MSRA: variants seen among roughly 807,000 people sequenced by gnomAD.
MSRA encodes the protein mitochondrial peptide methionine sulfoxide reductase.
In MSRA, 54 loss-of-function variants were observed where a neutral mutation model predicts 31.3. That is an observed-to-expected ratio of 1.73 (90% confidence interval 1.39 to 2.17). The LOEUF (loss-of-function observed/expected upper bound fraction) is 2.17. Ranked by LOEUF, MSRA falls within the 30% of genes most tolerant of loss-of-function variation. MSRA has a pLI of 0.00. For synonymous variants in MSRA, 169 were observed against 116.5 expected (o/e 1.45, Z -2.90); for missense variants, 507 against 300.9 (o/e 1.69, Z -5.07).
At chr8:10,140,592 T>C (rs1802616789) in intron 1 of MSRA, among the ~76,000 whole-genome samples, 1 of 152,168 alleles carries the variant, frequency 6.6e-6, no homozygotes, top group South Asian at 2.1e-4. Flanking sequence ...AACCCCTACA[T>C]GAACTGTTGT....
chr8:10,183,498 A>G (rs1455749368), intron 1 of MSRA, among the ~76,000 whole-genome samples: 1 of 152,214 alleles, frequency 6.6e-6, no homozygotes, highest in African/African-American at 2.4e-5. Context: ...TTGAAGCTAC[A>G]GTCAGGGGCA....
intron 1 of MSRA, among the ~76,000 whole-genome samples, chr8:10,200,154 C>T (rs935874030): frequency 1.3e-5 from 2 of 152,272 alleles, no homozygotes; most frequent in Admixed American, 6.5e-5. Context: ...GGTGTATCTC[C>T]GTTCTGCTGC....
At position 10,133,814 on chromosome 8, in the gene MSRA, G is replaced by GT. The variant is rs746201205; in HGVS notation, c.143-74010dup. ...TCAGTTTAGCTCTTTGGATCCTATG[G>GT]TTTTTTTTTGTTGTTGTTCTTTTGT... On this transcript the variant is annotated intron_variant, in intron 1 of 5. Coordinates refer to ENST00000317173, the MANE Select transcript of MSRA (RefSeq NM_012331.5). Among the ~76,000 whole-genome samples, 311 of 151,372 alleles carry GT rather than the reference G, an allele frequency of 2.1e-3. 1 individual carries two copies. The highest frequency in any genetic ancestry group is 2.7e-3 in the Non-Finnish European group (183 of 67,718).
intron 5 of MSRA, among the ~76,000 whole-genome samples, chr8:10,407,427 G>A (rs1252174461): frequency 6.6e-6 from 1 of 152,166 alleles, no homozygotes; most frequent in Non-Finnish European, 1.5e-5. Context: ...TGAGGGTGGA[G>A]GTGGATTTGT....
At chr8:10,098,981 C>G (rs1449650016) in intron 1 of MSRA, among the ~76,000 whole-genome samples, 2 of 152,132 alleles carry the variant, frequency 1.3e-5, no homozygotes, top group Admixed American at 1.3e-4. Flanking sequence ...GAAGATAAGG[C>G]CCCTCCCACA....
chr8:10,374,556 A>G (rs1156818477), intron 5 of MSRA, among the ~76,000 whole-genome samples: 3 of 152,224 alleles, frequency 2.0e-5, no homozygotes, highest in Admixed American at 1.3e-4. Flanking sequence ...CAGATAGTAC[A>G]TGACAAGTGA....
chr8:10,314,971 G>T (rs1441312292), intron 4 of MSRA, among the ~76,000 whole-genome samples: 1 of 152,170 alleles, frequency 6.6e-6, no homozygotes, highest in Non-Finnish European at 1.5e-5. Context: ...AGGTGTAATG[G>T]ACCCCAAGTT....
At chr8:10,173,124 T>G (rs1563180695) in intron 1 of MSRA, among the ~76,000 whole-genome samples, 1 of 152,254 alleles carries the variant, frequency 6.6e-6, no homozygotes, top group Non-Finnish European at 1.5e-5. Flanking sequence ...CAGCCCTTTT[T>G]CTGTTCAAAG....
At chr8:10,179,258 C>G (rs1337084204) in intron 1 of MSRA, among the ~76,000 whole-genome samples, 1 of 152,090 alleles carries the variant, frequency 6.6e-6, no homozygotes, top group African/African-American at 2.4e-5. Flanking sequence ...TTTGAAGAAG[C>G]TGGAAATACT....
chr8:10,211,804 C>G (rs1809522908), intron 2 of MSRA, among the ~76,000 whole-genome samples: 1 of 152,134 alleles, frequency 6.6e-6, no homozygotes, highest in Non-Finnish European at 1.5e-5. Context: ...TTCCGTTGGC[C>G]ACGGTCCACT....
intron 5 of MSRA, among the ~76,000 whole-genome samples, chr8:10,346,718 C>A (rs1341087809): frequency 6.6e-6 from 1 of 152,086 alleles, no homozygotes; most frequent in South Asian, 2.1e-4. Flanking sequence ...ATTAGGGGTA[C>A]CTATTTAGCT....
chr8:10,084,191 C>T (rs572439922), intron 1 of MSRA, among the ~76,000 whole-genome samples: 2 of 152,336 alleles, frequency 1.3e-5, no homozygotes, highest in East Asian at 1.9e-4. Context: ...GATTTCTGGC[C>T]TCCTGAGGAT....
chr8:10,126,012 T>C (rs553204041), intron 1 of MSRA, among the ~76,000 whole-genome samples: 26 of 152,322 alleles, frequency 1.7e-4, no homozygotes, highest in Non-Finnish European at 3.7e-4. Context: ...CAGCCAACTT[T>C]TAGGGCAAGG....
intron 4 of MSRA, among the ~76,000 whole-genome samples, chr8:10,311,472 T>TC (rs1563337076): frequency 2.6e-5 from 4 of 151,802 alleles, no homozygotes. Context: ...ACCCCACACC[T>TC]GGGGGGGCGC....
chr8:10,070,032 G>T (rs1419381885), intron 1 of MSRA, among the ~76,000 whole-genome samples: 1 of 152,150 alleles, frequency 6.6e-6, no homozygotes, highest in Non-Finnish European at 1.5e-5. Context: ...ATCTTGCCAA[G>T]GATATAAAAT....
chr8:10,172,801 T>C (rs1805710831), intron 1 of MSRA, among the ~76,000 whole-genome samples: 1 of 152,196 alleles, frequency 6.6e-6, no homozygotes, highest in South Asian at 2.1e-4. Context: ...CTTACTCGGA[T>C]CTTGATTCAT....
At chr8:10,183,428 C>G (rs1346753663) in intron 1 of MSRA, among the ~76,000 whole-genome samples, 2 of 152,112 alleles carry the variant, frequency 1.3e-5, no homozygotes, top group African/African-American at 4.8e-5. Flanking sequence ...CTGGGACCTA[C>G]TATTAAAAGC....
intron 1 of MSRA, among the ~76,000 whole-genome samples, chr8:10,123,846 A>G (rs1164780668): frequency 6.7e-6 from 1 of 149,900 alleles, no homozygotes; most frequent in East Asian, 2.0e-4. Flanking sequence ...ATTCCAATCC[A>G]TTGGTCTATG....
intron 1 of MSRA, among the ~76,000 whole-genome samples, chr8:10,160,746 T>A (rs1804566925): frequency 6.6e-6 from 1 of 151,402 alleles, no homozygotes; most frequent in Non-Finnish European, 1.5e-5. Flanking sequence ...GCCAGGCAGA[T>A]CTTGAACTCC....
Sources: allele counts gnomAD v4.1 joint callset (sites outside exome capture counted in the v4.1 genomes callset), GRCh38; gene constraint gnomAD v4.1.1; transcripts MANE v1.5; gene names NCBI Gene and HGNC (gene_info 2026-07-23, HGNC 2026-07-21).